CDK14: variants seen among roughly 807,000 people sequenced by gnomAD.
The protein encoded by CDK14 is cyclin-dependent kinase 14.
A neutral mutation model predicts 60.7 loss-of-function variants in CDK14; 34 were observed. The ratio of observed to expected loss-of-function variants is 0.56; its 90% CI spans 0.43 to 0.75. The LOEUF is 0.75. Among genes scored for constraint, CDK14 ranks in the 30% least tolerant of loss-of-function variants. CDK14 has a pLI of 0.00. For missense variants in CDK14, 482 were observed against 564.1 expected (o/e 0.85, Z 1.47); for synonymous variants, 197 against 203.7 (o/e 0.97, Z 0.28).
chr7:91,093,662 T>A (rs1798896760), intron 12 of CDK14, among the ~76,000 whole-genome samples: 1 of 152,142 alleles, frequency 6.6e-6, no homozygotes, highest in Non-Finnish European at 1.5e-5. Flanking sequence ...ACTCAGCAAT[T>A]CCATTACTGT....
In CDK14 at chr7:91,080,930, G is replaced by C. The variant is rs1798468072; in HGVS notation, c.1154+1450G>C. ...TTTAATAAACTGAGTCCCACCATTA[G>C]TCCCACTTTTTAAATATTTTAAGGA... On this transcript the variant is annotated intron_variant, in intron 12 of 14. Transcript: ENST00000380050. 2.0e-5 allele frequency among the ~76,000 whole-genome samples: 3 copies of C among 152,236 alleles called. No individual in the cohort carries two copies. The South Asian group carries it at 6.2e-4, about 32-fold the overall frequency.
intron 14 of CDK14, among the ~76,000 whole-genome samples, chr7:91,190,360 T>C (rs1245799171): frequency 1.3e-5 from 2 of 152,200 alleles, no homozygotes; most frequent in African/African-American, 2.4e-5. Flanking sequence ...GGAAAGACAT[T>C]CCATTGAGGT....
intron 14 of CDK14, among the ~76,000 whole-genome samples, chr7:91,141,610 A>AG (rs1371082449): frequency 1.3e-5 from 2 of 151,332 alleles, no homozygotes; most frequent in Non-Finnish European, 2.9e-5. Context: ...TAAGGTCAGA[A>AG]AAAAAAAGAG....
intron 5 of CDK14, among the ~76,000 whole-genome samples, chr7:90,813,885 T>TA (rs1789242077): frequency 3.3e-5 from 5 of 152,252 alleles, no homozygotes; most frequent in Admixed American, 2.6e-4. Context: ...ATTTTATACT[T>TA]ACGGGTGGTA....
chr7:90,713,243 AG>A (rs1350228084), intron 2 of CDK14, among the ~76,000 whole-genome samples: 1 of 152,084 alleles, frequency 6.6e-6, no homozygotes, highest in African/African-American at 2.4e-5. Flanking sequence ...TTAAGGCCTC[AG>A]TGCTGTTCAT....
chr7:90,687,286 A>G (rs906497759), intron 2 of CDK14, among the ~76,000 whole-genome samples: 3 of 152,130 alleles, frequency 2.0e-5, no homozygotes, highest in Admixed American at 6.6e-5. Flanking sequence ...CATCCTCAAC[A>G]TGAGTCTATT....
chr7:90,683,494 G>A (rs549035516), intron 2 of CDK14, among the ~76,000 whole-genome samples: 36 of 152,164 alleles, frequency 2.4e-4, no homozygotes, highest in Non-Finnish European at 4.4e-4. Context: ...TCTGCATGGG[G>A]AATGCTATTA....
chr7:90,754,323 C>T (rs1477748223), intron 4 of CDK14, among the ~76,000 whole-genome samples: 2 of 152,090 alleles, frequency 1.3e-5, no homozygotes, highest in African/African-American at 4.8e-5. Context: ...AGAAATAAAG[C>T]CACACACCTA....
At chr7:90,683,453 G>A (rs1247467227) in intron 2 of CDK14, among the ~76,000 whole-genome samples, 1 of 152,098 alleles carries the variant, frequency 6.6e-6, no homozygotes, top group Admixed American at 6.6e-5. Flanking sequence ...ATGCTTTTGT[G>A]CTTCAGCATT....
chr7:90,913,260 C>A (rs1180201268), intron 7 of CDK14, among the ~76,000 whole-genome samples: 1 of 152,176 alleles, frequency 6.6e-6, no homozygotes, highest in Non-Finnish European at 1.5e-5. Context: ...TAAAGACATT[C>A]CAAGGGTAGT....
At chr7:90,963,950 G>C (rs545386375) in intron 9 of CDK14, among the ~76,000 whole-genome samples, 9 of 151,960 alleles carry the variant, frequency 5.9e-5, no homozygotes, top group Non-Finnish European at 1.0e-4. Flanking sequence ...TCCTGACCTC[G>C]AGATCCACCT....
intron 14 of CDK14, among the ~76,000 whole-genome samples, chr7:91,175,908 A>C (rs1231415702): frequency 6.7e-6 from 1 of 149,706 alleles, no homozygotes; most frequent in African/African-American, 2.5e-5. Flanking sequence ...AATGAGACAG[A>C]AAGTCAACAA....
chr7:90,638,427 AT>A (rs1800216071), intron 2 of CDK14, among the ~76,000 whole-genome samples: 2 of 151,762 alleles, frequency 1.3e-5, no homozygotes, highest in African/African-American at 4.8e-5. Context: ...TGGGTTGAAA[AT>A]TTTTTTCTTT....
intron 14 of CDK14, among the ~76,000 whole-genome samples, chr7:91,172,393 C>G (rs1207665879): frequency 6.6e-6 from 1 of 152,224 alleles, no homozygotes; most frequent in Non-Finnish European, 1.5e-5. Flanking sequence ...CCCCCATTGT[C>G]TGGTCGCCTT....
chr7:90,603,133 G>A (rs1240872813), intron 1 of CDK14, among the ~76,000 whole-genome samples: 4 of 152,094 alleles, frequency 2.6e-5, no homozygotes, highest in East Asian at 1.9e-4. Flanking sequence ...GCATTGTTCC[G>A]TAAATTTGAA....
intron 10 of CDK14, among the ~76,000 whole-genome samples, chr7:91,041,032 G>A (rs1019884315): frequency 9.2e-5 from 14 of 152,110 alleles, no homozygotes; most frequent in Admixed American, 8.5e-4. Context: ...TTCTCTGCCC[G>A]ACAGAGGCTG....
chr7:91,014,350 T>C (rs1262945006), intron 10 of CDK14, among the ~76,000 whole-genome samples: 1 of 152,164 alleles, frequency 6.6e-6, no homozygotes, highest in African/African-American at 2.4e-5. Context: ...CATTTTATTA[T>C]AGACAAGAGA....
intron 14 of CDK14, among the ~76,000 whole-genome samples, chr7:91,167,560 A>T (rs550315830): frequency 6.6e-6 from 1 of 152,294 alleles, no homozygotes; most frequent in South Asian, 2.1e-4. Context: ...AACGTGAGCC[A>T]GTCTCAGTGC....
intron 11 of CDK14, among the ~76,000 whole-genome samples, chr7:91,052,507 C>T (rs527278279): frequency 1.3e-5 from 2 of 152,212 alleles, no homozygotes; most frequent in Admixed American, 1.3e-4. Flanking sequence ...AATAACACTT[C>T]GTATAAAATG....
Sources: gnomAD v4.1 joint callset for allele counts (sites outside exome capture counted in the v4.1 genomes callset) on GRCh38, gnomAD v4.1.1 for gene constraint, MANE v1.5 for transcripts, NCBI Gene and HGNC (gene_info 2026-07-23, HGNC 2026-07-21) for gene names.